The following TMEM117 variants were observed in gnomAD, a reference collection of about 807,000 sequenced individuals.
TMEM117 encodes transmembrane protein 117.
In TMEM117, 27 loss-of-function variants were observed where a neutral mutation model predicts 52.4. The ratio of observed to expected loss-of-function variants is 0.51; its 90% CI spans 0.38 to 0.71. The LOEUF (loss-of-function observed/expected upper bound fraction) is 0.71. Among genes scored for constraint, TMEM117 ranks in the 30% least tolerant of loss-of-function variants. TMEM117 has a pLI of 0.00. For synonymous variants in TMEM117, 215 were observed against 206.3 expected, an observed-to-expected ratio of 1.04 and a Z score of -0.36; for missense variants, 556 against 630.5, an observed-to-expected ratio of 0.88 and a Z score of 1.26.
In TMEM117 at chr12:44,140,295, C is replaced by T. The variant is rs1592551795; in HGVS notation, c.411-3230C>T. ...AATTTTTAGAAGTTTTTAATATCTT[C>T]CTCCATGGAAAAGTTTTTCATGATT... On this transcript the variant is annotated intron_variant, in intron 3 of 7. Transcript: ENST00000266534. Among the ~76,000 whole-genome samples the T allele has an allele frequency of 2.0e-5, 3 of 152,176 alleles. No homozygotes were observed. The South Asian group carries it at 6.2e-4, about 32-fold the overall frequency.
chr12:43,805,349 G>A, the TMEM117 span, among the ~76,000 whole-genome samples: 1 of 152,178 alleles, frequency 6.6e-6, no homozygotes, highest in African/African-American at 2.4e-5. Context: ...CTGCGTGCGT[G>A]CAGGGGGATG....
At chr12:44,235,909 A>G (rs1416872809) in intron 5 of TMEM117, among the ~76,000 whole-genome samples, 1 of 151,988 alleles carries the variant, frequency 6.6e-6, no homozygotes, top group Non-Finnish European at 1.5e-5. Context: ...TACATTAAAC[A>G]TATTGAATAT....
At chr12:44,364,432 G>A (rs770328759) in intron 6 of TMEM117, among the ~76,000 whole-genome samples, 2 of 152,038 alleles carry the variant, frequency 1.3e-5, no homozygotes, top group Non-Finnish European at 2.9e-5. Flanking sequence ...CATTTCATTA[G>A]AAATATGATA....
chr12:44,278,856 T>C (rs1203766390), intron 5 of TMEM117, among the ~76,000 whole-genome samples: 1 of 152,220 alleles, frequency 6.6e-6, no homozygotes, highest in Non-Finnish European at 1.5e-5. Flanking sequence ...ATGGTGTTAA[T>C]TCCTGCTAAT....
chr12:44,310,094 T>A (rs897184431), intron 6 of TMEM117, among the ~76,000 whole-genome samples: 1 of 152,202 alleles, frequency 6.6e-6, no homozygotes, highest in African/African-American at 2.4e-5. Context: ...CAATTTTTTT[T>A]AAATGCTTGA....
chr12:44,348,279 AAGAG>A (rs1476380605), intron 6 of TMEM117, among the ~76,000 whole-genome samples: 3 of 151,462 alleles, frequency 2.0e-5, no homozygotes, highest in Non-Finnish European at 2.9e-5. Flanking sequence ...AAAAAAAAAA[AAGAG>A]AGAGCTATAG....
the TMEM117 span, among the ~76,000 whole-genome samples, chr12:43,821,298 C>A: frequency 1.9e-3 from 293 of 152,142 alleles, no homozygotes; most frequent in Middle Eastern, 6.8e-3. Flanking sequence ...ATGGGATGAA[C>A]CTTGGGTGCC....
At chr12:44,189,307 T>C (rs1275430737) in intron 4 of TMEM117, among the ~76,000 whole-genome samples, 1 of 152,210 alleles carries the variant, frequency 6.6e-6, no homozygotes, top group East Asian at 1.9e-4. Context: ...TAAGAATCTT[T>C]CTTTTAATCC....
At chr12:44,324,961 A>G (rs1951177116) in intron 6 of TMEM117, among the ~76,000 whole-genome samples, 1 of 152,170 alleles carries the variant, frequency 6.6e-6, no homozygotes, top group African/African-American at 2.4e-5. Flanking sequence ...TATGACTTAT[A>G]ATAAGCTAAG....
chr12:44,091,410 C>T (rs1314172093), intron 3 of TMEM117, among the ~76,000 whole-genome samples: 1 of 152,162 alleles, frequency 6.6e-6, no homozygotes, highest in African/African-American at 2.4e-5. Flanking sequence ...CAACATAGCA[C>T]TCATTTCTTA....
At chr12:44,380,110 A>T (rs1042624282) in intron 7 of TMEM117, among the ~76,000 whole-genome samples, 1 of 152,202 alleles carries the variant, frequency 6.6e-6, no homozygotes, top group Non-Finnish European at 1.5e-5. Context: ...CTATAGTTAG[A>T]ATTCCTCTTA....
In TMEM117 at chr12:43,870,925, C is replaced by T. The variant is rs868813812; in HGVS notation, c.277+25997C>T. Among the ~76,000 whole-genome samples, 38 of 151,964 alleles carry T rather than the reference C, an allele frequency of 2.5e-4. No individual in the cohort carries two copies. The Middle Eastern group carries it at 0.014, about 54-fold the overall frequency. Reference sequence around the variant, plus strand: ...TCAGCCTCCCCAGTAGCTGAGATTACAGGCACCTGCCATCACGCCTGGCTA... The same window carrying T: ...TCAGCCTCCCCAGTAGCTGAGATTATAGGCACCTGCCATCACGCCTGGCTA... On this transcript the variant is annotated intron_variant, in intron 2 of 7. Coordinates refer to ENST00000266534, the MANE Select transcript of TMEM117 (RefSeq NM_032256.3).
chr12:44,293,252 T>C (rs1210304481), intron 5 of TMEM117, among the ~76,000 whole-genome samples: 1 of 152,054 alleles, frequency 6.6e-6, no homozygotes, highest in East Asian at 1.9e-4. Flanking sequence ...TGCTGTCTTT[T>C]GGTTACCATT....
At position 44,010,638 on chromosome 12, in the gene TMEM117, T is replaced by G. The variant is rs533481762; in HGVS notation, c.410+66296T>G. ...TTTTATATGATTTTATATTCTCTCC[T>G]TAGAATATTACCATGCTTGTTTTCT... On this transcript the variant is annotated intron_variant, in intron 3 of 7. Transcript: ENST00000266534. 2.6e-5 allele frequency among the ~76,000 whole-genome samples: 4 copies of G among 152,370 alleles called. No individual in the cohort carries two copies. In the East Asian group the frequency reaches 7.7e-4, roughly 29 times the overall value.
intron 6 of TMEM117, among the ~76,000 whole-genome samples, chr12:44,332,777 A>G (rs1592699588): frequency 6.6e-6 from 1 of 151,440 alleles, no homozygotes; most frequent in African/African-American, 2.4e-5. Flanking sequence ...ACTTAGAGAA[A>G]TTCTTGACTA....
At chr12:44,152,237 A>G (rs1340101151) in intron 4 of TMEM117, among the ~76,000 whole-genome samples, 14 of 109,766 alleles carry the variant, frequency 1.3e-4, no homozygotes, top group African/African-American at 3.4e-4. Flanking sequence ...ATATAATTAT[A>G]TATATAATTA....
At chr12:43,796,277 C>G in the TMEM117 span, among the ~76,000 whole-genome samples, 2 of 152,078 alleles carry the variant, frequency 1.3e-5, no homozygotes, top group African/African-American at 4.8e-5. Flanking sequence ...CTGATCCCTG[C>G]TATAGAAGGT....
chr12:43,809,392 T>TTATTAAA, the TMEM117 span, among the ~76,000 whole-genome samples: 1 of 152,226 alleles, frequency 6.6e-6, no homozygotes, highest in Admixed American at 6.5e-5. Flanking sequence ...TTATTTAACC[T>TTATTAAA]AAGTCTCCAT....
At chr12:44,053,551 C>T (rs1947007917) in intron 3 of TMEM117, among the ~76,000 whole-genome samples, 1 of 152,138 alleles carries the variant, frequency 6.6e-6, no homozygotes, top group African/African-American at 2.4e-5. Context: ...TCTCTAGTCC[C>T]CTTCCTCTGC....
Sources: gnomAD v4.1 joint callset for allele counts (sites outside exome capture counted in the v4.1 genomes callset) on GRCh38, gnomAD v4.1.1 for gene constraint, MANE v1.5 for transcripts, NCBI Gene and HGNC (gene_info 2026-07-23, HGNC 2026-07-21) for gene names.